The following ATP9B variants were observed in gnomAD, a reference collection of about 807,000 sequenced individuals.
The protein encoded by ATP9B is ATPase phospholipid transporting 9B, also known as probable phospholipid-transporting ATPase IIB.
In ATP9B, 110 loss-of-function variants were observed where a neutral mutation model predicts 146.1. The observed-to-expected ratio is 0.75, with a 90% CI of 0.65 to 0.88. The LOEUF (loss-of-function observed/expected upper bound fraction) is 0.88. Ranked by LOEUF, ATP9B falls within the 40% of genes least tolerant of loss-of-function variation. The probability of loss-of-function intolerance (pLI) is 0.00; values close to 1 mark genes in which losing one functional copy is unlikely to be tolerated. For synonymous variants in ATP9B, 604 were observed against 569.7 expected (o/e 1.06, Z -0.86); for missense variants, 1,499 against 1,496.4 (o/e 1.00, Z -0.03).
chr18:79,290,601 C>T (rs528193010), intron 13 of ATP9B, among the ~76,000 whole-genome samples: 194 of 152,342 alleles, frequency 1.3e-3, no homozygotes, highest in African/African-American at 4.5e-3. Flanking sequence ...CTTCGGCTCG[C>T]GCAACATGCG....
intron 7 of ATP9B, among the ~76,000 whole-genome samples, chr18:79,170,506 A>C (rs1226131340): frequency 6.6e-6 from 1 of 152,212 alleles, no homozygotes; most frequent in East Asian, 1.9e-4. Context: ...TTCATTATTT[A>C]ATCTAAATGT....
At position 79,344,595 on chromosome 18, in the gene ATP9B, T is replaced by G. The variant is rs141545743; in HGVS notation, c.2472+241T>G. ...TGCTTTTGCCCATTCATGCTGTTTT[T>G]AGGCAGTTTTCCATTTCGTAGCAGC... On this transcript the variant is annotated intron_variant, in intron 21 of 29. Transcript: ENST00000426216. Among the ~76,000 whole-genome samples, 374 of 152,342 alleles carry G rather than the reference T, an allele frequency of 2.5e-3. 2 individuals carry two copies. Among genetic ancestry groups the G allele is most frequent in the South Asian group, 6.4e-3 (31 of 4,826 alleles).
At chr18:79,103,755 A>G (rs1408285145) in intron 2 of ATP9B, among the ~76,000 whole-genome samples, 1 of 152,156 alleles carries the variant, frequency 6.6e-6, no homozygotes, top group Non-Finnish European at 1.5e-5. Context: ...TGAACTTGGC[A>G]TAAATTTATG....
intron 11 of ATP9B, among the ~76,000 whole-genome samples, chr18:79,232,712 G>A (rs1172929401): frequency 6.6e-6 from 1 of 152,228 alleles, no homozygotes; most frequent in Non-Finnish European, 1.5e-5. Flanking sequence ...TGATGCACAT[G>A]TTAAGGGCTG....
At chr18:79,113,144 A>C in intron 3 of ATP9B, 97 bp from the exon 4 acceptor site, 1 of 623,526 alleles carries the variant, frequency 1.6e-6, no homozygotes, top group South Asian at 2.2e-5. Context: ...GTTTGATGGA[A>C]ATGTGGTTAT....
intron 26 of ATP9B, 93 bp downstream of exon 26, chr18:79,359,555 C>A: frequency 1.1e-6 from 1 of 950,770 alleles, no homozygotes; most frequent in Non-Finnish European, 1.7e-6. Flanking sequence ...GAGGCATTTC[C>A]AGGCATTTTG....
At chr18:79,231,116 CA>C (rs36120687) in intron 11 of ATP9B, among the ~76,000 whole-genome samples, 1 of 152,074 alleles carries the variant, frequency 6.6e-6, no homozygotes, top group Non-Finnish European at 1.5e-5. Flanking sequence ...ACCAAGAACC[CA>C]AAAGCAAATG....
intron 15 of ATP9B, among the ~76,000 whole-genome samples, chr18:79,320,070 C>A: frequency 6.6e-6 from 1 of 152,186 alleles, no homozygotes; most frequent in East Asian, 1.9e-4. Context: ...CGAGAACGTG[C>A]CCATTTATGG....
At chr18:79,128,933 A>C (rs2094333019) in intron 5 of ATP9B, among the ~76,000 whole-genome samples, 1 of 152,178 alleles carries the variant, frequency 6.6e-6, no homozygotes, top group South Asian at 2.1e-4. Context: ...AATTGTCCTG[A>C]TCTCAGCACC....
At chr18:79,310,443 A>G (rs1468065476) in intron 15 of ATP9B, among the ~76,000 whole-genome samples, 1 of 152,228 alleles carries the variant, frequency 6.6e-6, no homozygotes, top group Non-Finnish European at 1.5e-5. Context: ...ATTGAGGAGG[A>G]GCTATGCTGG....
chr18:79,186,773 G>A (rs1030631987), intron 8 of ATP9B, among the ~76,000 whole-genome samples: 4 of 152,232 alleles, frequency 2.6e-5, no homozygotes, highest in African/African-American at 9.6e-5. Context: ...AAACTAGTAT[G>A]TTCAACCTTC....
At chr18:79,309,668 T>A (rs1470121939) in intron 15 of ATP9B, among the ~76,000 whole-genome samples, 5 of 150,052 alleles carry the variant, frequency 3.3e-5, no homozygotes, top group Non-Finnish European at 5.9e-5. Context: ...CCCCAGCAGG[T>A]AGAAGGTCAG....
chr18:79,207,031 T>C lies in ATP9B; in HGVS notation c.1030+19T>C. ...GCATCAGGTAAGGAAAACATTCTCC[T>C]CTGAGTGTGATTGCTCCCGGATAGA... is the stretch of plus-strand genomic sequence containing the variant. On this transcript the variant is annotated intron_variant, in intron 10 of 29. Coordinates refer to ENST00000426216, the MANE Select transcript of ATP9B (RefSeq NM_198531.5). The C allele has an allele frequency of 6.2e-7, 1 of 1,607,920 alleles. No individual in the cohort carries two copies. The highest frequency in any genetic ancestry group is 8.5e-7 in the Non-Finnish European group (1 of 1,174,474).
At chr18:79,112,189 A>G (rs1206651800) in intron 3 of ATP9B, among the ~76,000 whole-genome samples, 2 of 152,146 alleles carry the variant, frequency 1.3e-5, no homozygotes, top group African/African-American at 4.8e-5. Flanking sequence ...CACTTAACCC[A>G]TTGCCCTGCT....
intron 12 of ATP9B, among the ~76,000 whole-genome samples, chr18:79,274,491 C>T (rs1359292332): frequency 6.6e-6 from 1 of 151,992 alleles, no homozygotes; most frequent in Non-Finnish European, 1.5e-5. Flanking sequence ...GTATATGTGC[C>T]CTATGTGGTA....
At chr18:79,141,471 A>T (rs933018363) in intron 5 of ATP9B, among the ~76,000 whole-genome samples, 3 of 152,250 alleles carry the variant, frequency 2.0e-5, no homozygotes, top group Non-Finnish European at 4.4e-5. Context: ...CTGAGTGTGC[A>T]CTTGATAGTA....
intron 5 of ATP9B, among the ~76,000 whole-genome samples, chr18:79,130,662 C>G (rs2094363182): frequency 6.6e-6 from 1 of 152,012 alleles, no homozygotes; most frequent in Non-Finnish European, 1.5e-5. Context: ...CATAACCAAG[C>G]AGCTGACACC....
At chr18:79,263,605 G>A (rs1486250719) in intron 12 of ATP9B, among the ~76,000 whole-genome samples, 1 of 152,122 alleles carries the variant, frequency 6.6e-6, no homozygotes, top group East Asian at 1.9e-4. Context: ...TGTACAGGAC[G>A]TTGTGTTGTC....
chr18:79,256,289 A>T (rs1220361964), intron 12 of ATP9B, among the ~76,000 whole-genome samples: 2 of 143,268 alleles, frequency 1.4e-5, no homozygotes, highest in African/African-American at 5.2e-5. Context: ...ATATATATAC[A>T]TACATAGTGA....
Sources: allele counts gnomAD v4.1 joint callset (sites outside exome capture counted in the v4.1 genomes callset), GRCh38; gene constraint gnomAD v4.1.1; transcripts MANE v1.5; gene names NCBI Gene and HGNC (gene_info 2026-07-23, HGNC 2026-07-21).